The following SMAD1 variants were observed in gnomAD, a reference collection of about 807,000 sequenced individuals.
The protein encoded by SMAD1 is SMAD family member 1.
A neutral mutation model predicts 41.6 loss-of-function variants in SMAD1; 6 were observed. That is an observed-to-expected ratio of 0.14 (90% confidence interval 0.08 to 0.28). The LOEUF is 0.28. Among genes scored for constraint, SMAD1 ranks in the 10% least tolerant of loss-of-function variants. The pLI is 1.00. For missense variants in SMAD1, 379 were observed against 582.6 expected (o/e 0.65, Z 3.60); for synonymous variants, 206 against 203.2 (o/e 1.01, Z -0.12).
chr4:145,540,814 A>C (rs1731885805), intron 3 of SMAD1, among the ~76,000 whole-genome samples: 1 of 151,906 alleles, frequency 6.6e-6, no homozygotes. Context: ...TATACTTAAC[A>C]TCTATTAATG....
intron 1 of SMAD1, among the ~76,000 whole-genome samples, chr4:145,496,232 A>G (rs1729066986): frequency 5.3e-5 from 8 of 152,086 alleles, no homozygotes; most frequent in Admixed American, 5.2e-4. Flanking sequence ...TTAAAACTAT[A>G]AGCAAATCCT....
chr4:145,500,128 T>A (rs78411773), intron 1 of SMAD1, among the ~76,000 whole-genome samples: 1 of 152,184 alleles, frequency 6.6e-6, no homozygotes, highest in Non-Finnish European at 1.5e-5. Flanking sequence ...TTTATCATCT[T>A]GTACCTTAAC....
At chr4:145,480,917 ATTTT>A (rs5862738), upstream of SMAD1, among the ~76,000 whole-genome samples, 319 of 128,694 alleles carry the variant, frequency 2.5e-3, 2 homozygotes, top group African/African-American at 8.4e-3. Flanking sequence ...GCTGGGAGTG[ATTTT>A]TTTTTTTTTT....
intron 1 of SMAD1, among the ~76,000 whole-genome samples, chr4:145,493,968 T>A (rs899302814): frequency 1.2e-4 from 18 of 152,296 alleles, no homozygotes; most frequent in African/African-American, 3.6e-4. Flanking sequence ...TCTGTATTTA[T>A]TAATTTTTTT....
chr4:145,507,665 T>A (rs1245827840), intron 1 of SMAD1, among the ~76,000 whole-genome samples: 1 of 151,836 alleles, frequency 6.6e-6, no homozygotes, highest in Non-Finnish European at 1.5e-5. Context: ...TTTTTTTTTT[T>A]ACTAGATGAA....
At chr4:145,517,661 A>ACGC (rs1578778733) in intron 2 of SMAD1, among the ~76,000 whole-genome samples, 5 of 132,718 alleles carry the variant, frequency 3.8e-5, no homozygotes, top group Admixed American at 7.1e-5. Context: ...TCATTTGGCC[A>ACGC]TTTTTTTAGT....
intron 1 of SMAD1, among the ~76,000 whole-genome samples, chr4:145,504,735 T>A (rs1344640742): frequency 6.6e-6 from 1 of 152,226 alleles, no homozygotes; most frequent in African/African-American, 2.4e-5. Context: ...AGTTTGTAAG[T>A]TCCCAGTTCT....
intron 1 of SMAD1, chr4:145,497,730 G>C (rs1486404807): frequency 6.6e-6 from 1 of 152,220 alleles, no homozygotes; most frequent in African/African-American, 2.4e-5. Flanking sequence ...GAAAGGACTA[G>C]ATTCATGGGC....
At chr4:145,499,733 C>T (rs574381316) in intron 1 of SMAD1, among the ~76,000 whole-genome samples, 1 of 152,122 alleles carries the variant, frequency 6.6e-6, no homozygotes, top group Non-Finnish European at 1.5e-5. Flanking sequence ...TCAGAATATT[C>T]CAACATCCAA....
chr4:145,489,458 A>T (rs1345571398), intron 1 of SMAD1, among the ~76,000 whole-genome samples: 1 of 150,686 alleles, frequency 6.6e-6, no homozygotes, highest in African/African-American at 2.5e-5. Context: ...TGGAAAGAGA[A>T]GGATTTAAAA....
chr4:145,525,553 G>C (rs1018485332), intron 2 of SMAD1, among the ~76,000 whole-genome samples: 6 of 151,288 alleles, frequency 4.0e-5, no homozygotes, highest in Non-Finnish European at 8.8e-5. Flanking sequence ...GTAGTTGTTT[G>C]ATACTGGTGC....
At chr4:145,528,144 C>T in intron 2 of SMAD1, among the ~76,000 whole-genome samples, 1 of 151,608 alleles carries the variant, frequency 6.6e-6, no homozygotes, top group Non-Finnish European at 1.5e-5. Flanking sequence ...CACTCTGTCA[C>T]CAGGGCTGGA....
At chr4:145,531,744 A>G (rs1016527328) in intron 2 of SMAD1, among the ~76,000 whole-genome samples, 2 of 152,068 alleles carry the variant, frequency 1.3e-5, no homozygotes, top group Non-Finnish European at 2.9e-5. Flanking sequence ...CTTGACTCTA[A>G]CCTAAATGCC....
At chr4:145,545,999 C>T (rs1229836324) in intron 4 of SMAD1, 1 of 152,104 alleles carries the variant, frequency 6.6e-6, no homozygotes, top group Non-Finnish European at 1.5e-5. Flanking sequence ...AATGGAGAGA[C>T]AAAACACACC....
intron 1 of SMAD1, among the ~76,000 whole-genome samples, chr4:145,506,045 T>C (rs943367790): frequency 2.0e-5 from 3 of 152,088 alleles, no homozygotes; most frequent in Non-Finnish European, 4.4e-5. Context: ...GGTTTCACCA[T>C]GTTGGCCAGG....
chr4:145,528,063 A>G (rs1731124275), intron 2 of SMAD1, among the ~76,000 whole-genome samples: 1 of 97,088 alleles, frequency 1.0e-5, no homozygotes, highest in Non-Finnish European at 1.7e-5. Context: ...TTGTTTGTAC[A>G]CACACACACA....
At position 145,524,067 on chromosome 4, in the gene SMAD1, GA is replaced by G. The variant is rs565726074; in HGVS notation, c.400+9056del. ...GGCATGAGCTACCATGCTCAGTCTG[GA>G]AGTTCTTTTTTGAAAAAGCACAAGG... is the stretch of plus-strand genomic sequence containing the variant. On this transcript the variant is annotated intron_variant, in intron 2 of 6. Transcript: ENST00000302085. Among the ~76,000 whole-genome samples the G allele has an allele frequency of 2.9e-3, 435 of 152,186 alleles. 1 individual carries two copies. The highest frequency in any genetic ancestry group is 1.0e-2 in the African/African-American group (413 of 41,496).
At chr4:145,556,018 T>G (rs1732816377) in intron 6 of SMAD1, among the ~76,000 whole-genome samples, 1 of 152,238 alleles carries the variant, frequency 6.6e-6, no homozygotes, top group African/African-American at 2.4e-5. Flanking sequence ...TTTACAAAAC[T>G]GTTCTTTATT....
chr4:145,516,114 C>G (rs1730370929), intron 2 of SMAD1, among the ~76,000 whole-genome samples: 1 of 152,168 alleles, frequency 6.6e-6, no homozygotes, highest in Non-Finnish European at 1.5e-5. Flanking sequence ...TACGTGTAAA[C>G]TGGAACCCCT....
Sources: gnomAD v4.1 joint callset for allele counts (sites outside exome capture counted in the v4.1 genomes callset) on GRCh38, gnomAD v4.1.1 for gene constraint, MANE v1.5 for transcripts, NCBI Gene and HGNC (gene_info 2026-07-23, HGNC 2026-07-21) for gene names.